FGD4: variants seen among roughly 807,000 people sequenced by gnomAD.
FGD4 encodes FYVE, RhoGEF and PH domain-containing protein 4.
FGD4 carries 42 observed loss-of-function variants against 102.0 expected under a neutral mutation model. The observed-to-expected ratio is 0.41, with a 90% CI of 0.32 to 0.53. The LOEUF is 0.53. Ranked by LOEUF, FGD4 falls within the 20% of genes least tolerant of loss-of-function variation. FGD4 has a pLI of 0.21. For missense variants in FGD4, 902 were observed against 1,078.2 expected, an observed-to-expected ratio of 0.84 and a Z score of 2.29; for synonymous variants, 380 against 375.7, an observed-to-expected ratio of 1.01 and a Z score of -0.13.
intron 1 of FGD4, among the ~76,000 whole-genome samples, chr12:32,444,335 T>C (rs116941356): frequency 0.038 from 5,785 of 152,264 alleles, 170 homozygotes; most frequent in South Asian, 0.12. Flanking sequence ...CAGGCTGATT[T>C]TCAAGATAGA....
At chr12:32,575,613 C>T (rs1263606571) in intron 2 of FGD4, among the ~76,000 whole-genome samples, 2 of 152,190 alleles carry the variant, frequency 1.3e-5, no homozygotes, top group South Asian at 2.1e-4. Context: ...GTAGCACCAA[C>T]TCTGTTACCC....
intron 1 of FGD4, among the ~76,000 whole-genome samples, chr12:32,545,821 C>G (rs1006293558): frequency 7.2e-5 from 11 of 152,230 alleles, no homozygotes; most frequent in African/African-American, 2.4e-4. Flanking sequence ...GCTTCTAACC[C>G]TTCCAGTAGG....
At chr12:32,412,164 T>C (rs1222746623) in intron 1 of FGD4, among the ~76,000 whole-genome samples, 3 of 152,174 alleles carry the variant, frequency 2.0e-5, no homozygotes, top group Non-Finnish European at 2.9e-5. Flanking sequence ...GGAGAATGAA[T>C]GGATGAGGGA....
At chr12:32,625,228 G>A (rs867348441) in intron 13 of FGD4, among the ~76,000 whole-genome samples, 160 bp downstream of exon 13, 1 of 148,796 alleles carries the variant, frequency 6.7e-6, no homozygotes, top group Middle Eastern at 3.6e-3. Flanking sequence ...AATAGTGAGT[G>A]ACTTTTCATT....
intron 1 of FGD4, among the ~76,000 whole-genome samples, chr12:32,551,871 C>G (rs1214999692): frequency 6.6e-6 from 1 of 152,128 alleles, no homozygotes; most frequent in Non-Finnish European, 1.5e-5. Context: ...AAAATGTGAT[C>G]GTTTAAAAAT....
At chr12:32,464,557 T>C (rs150045597) in intron 1 of FGD4, among the ~76,000 whole-genome samples, 13 of 152,328 alleles carry the variant, frequency 8.5e-5, no homozygotes, top group African/African-American at 2.9e-4. Flanking sequence ...TAGTATATGC[T>C]CATTGAAAGG....
intron 3 of FGD4, chr12:32,579,726 G>A (rs761180467): frequency 6.6e-5 from 10 of 152,112 alleles, no homozygotes; most frequent in Non-Finnish European, 1.5e-4. Context: ...CTCCTCAAGG[G>A]GGCAAATCTC....
Position 32,582,094 on chromosome 12 carries a change from G to A in FGD4, c.638G>A (p.Gly213Glu), listed in dbSNP as rs61754560. The A allele has an allele frequency of 2.2e-5, 35 of 1,614,080 alleles. No homozygotes were observed. Among genetic ancestry groups the A allele is most frequent in the Middle Eastern group, 3.3e-4 (2 of 6,084 alleles). ...LLSQHLPQRQ[G>E]NDTDKTQGAQ... ...TCCCAGCACTTGCCACAGAGGCAGGGAAATGATACAGATAAGACTCAGGGT... is the reference window on the plus strand; with the variant it reads ...TCCCAGCACTTGCCACAGAGGCAGGAAAATGATACAGATAAGACTCAGGGT... The change falls in exon 4 of 17, where the codon GGA becomes GAA. Residue 213 changes from glycine (G) to glutamate (E), a missense_variant. Coordinates refer to ENST00000534526, the MANE Select transcript of FGD4 (RefSeq NM_001370298.3).
chr12:32,635,391 C>T (rs993577890), intron 15 of FGD4, among the ~76,000 whole-genome samples: 8 of 152,120 alleles, frequency 5.3e-5, no homozygotes, highest in African/African-American at 1.9e-4. Flanking sequence ...GAACCTTATA[C>T]TGAGGAAAAA....
At chr12:32,472,432 C>T (rs371908060) in intron 1 of FGD4, among the ~76,000 whole-genome samples, 2,001 of 152,296 alleles carry the variant, frequency 0.013, 51 homozygotes, top group African/African-American at 0.046. Context: ...ACTTAGCACC[C>T]GGGCCAGTGG....
chr12:32,601,141 TTCAAAGGATTC>T, intron 5 of FGD4, 126 bp from the exon 6 acceptor site: 1 of 835,852 alleles, frequency 1.2e-6, no homozygotes, highest in Non-Finnish European at 1.9e-6. Context: ...ACTCCTAAAT[TTCAAAGGATTC>T]TCTTGAACTG....
chr12:32,538,269 C>T (rs1038605826), intron 1 of FGD4, among the ~76,000 whole-genome samples: 1 of 152,058 alleles, frequency 6.6e-6, no homozygotes, highest in African/African-American at 2.4e-5. Flanking sequence ...TGCTATGTTC[C>T]TAGGGTCTAG....
rs951723258 is a variant in FGD4 at position 32,455,223 on chromosome 12, T to C, written c.166+55264T>C. ...ATGAGGATTTAGCAGCAACAGTTGA[T>C]TGCATGTGTGTTCATTGTCAGTATG... On this transcript the variant is annotated intron_variant, in intron 1 of 16. Coordinates refer to ENST00000534526, the MANE Select transcript of FGD4 (RefSeq NM_001370298.3). Among the ~76,000 whole-genome samples the C allele has an allele frequency of 7.0e-4, 107 of 152,330 alleles. 1 individual carries two copies. The highest frequency in any genetic ancestry group is 2.5e-3 in the African/African-American group (102 of 41,582).
chr12:32,489,285 C>G (rs185513530), intron 1 of FGD4, among the ~76,000 whole-genome samples: 8 of 152,326 alleles, frequency 5.3e-5, no homozygotes, highest in African/African-American at 1.9e-4. Context: ...TTTGTTTAAT[C>G]TTTCCAACTC....
intron 1 of FGD4, among the ~76,000 whole-genome samples, chr12:32,445,359 A>G (rs1303579266): frequency 6.6e-6 from 1 of 152,252 alleles, no homozygotes; most frequent in East Asian, 1.9e-4. Context: ...TCTTCATCTT[A>G]TTTTGCCATT....
At chr12:32,565,877 G>T (rs1421464638) in intron 2 of FGD4, among the ~76,000 whole-genome samples, 1 of 152,192 alleles carries the variant, frequency 6.6e-6, no homozygotes, top group East Asian at 1.9e-4. Flanking sequence ...AAATCATGGA[G>T]TACTTTATAC....
intron 1 of FGD4, among the ~76,000 whole-genome samples, chr12:32,450,079 C>T (rs976333236): frequency 2.6e-5 from 4 of 151,850 alleles, no homozygotes; most frequent in Admixed American, 2.0e-4. Flanking sequence ...ATTACAGGCA[C>T]GTGCTACCAT....
At chr12:32,500,216 T>C (rs1013908424) in intron 1 of FGD4, among the ~76,000 whole-genome samples, 2 of 151,734 alleles carry the variant, frequency 1.3e-5, no homozygotes, top group Non-Finnish European at 2.9e-5. Context: ...ATCTCAGCTC[T>C]ATACCTAAAA....
At chr12:32,441,327 A>T (rs1484250421) in intron 1 of FGD4, among the ~76,000 whole-genome samples, 1 of 151,986 alleles carries the variant, frequency 6.6e-6, no homozygotes, top group Non-Finnish European at 1.5e-5. Context: ...TCTGCTGGTT[A>T]TTCAGCGTCT....
Sources: gnomAD v4.1 joint callset for allele counts (sites outside exome capture counted in the v4.1 genomes callset) on GRCh38, gnomAD v4.1.1 for gene constraint, MANE v1.5 for transcripts, NCBI Gene and HGNC (gene_info 2026-07-23, HGNC 2026-07-21) for gene names.